EYS: variants seen among roughly 807,000 people sequenced by gnomAD.
EYS encodes the protein EGF-like photoreceptor maintenance factor.
EYS carries 250 observed loss-of-function variants against 282.1 expected under a neutral mutation model. The ratio of observed to expected loss-of-function variants is 0.89; its 90% CI spans 0.80 to 0.98. EYS has a LOEUF of 0.98. EYS is among the 50% of genes least tolerant of loss of function. The probability of loss-of-function intolerance (pLI) is 0.00; values close to 1 mark genes in which losing one functional copy is unlikely to be tolerated. For synonymous variants in EYS, 1,355 were observed against 1,282.9 expected (o/e 1.06, Z -1.20); for missense variants, 4,016 against 3,709.0 (o/e 1.08, Z -2.15).
rs987258143 is a variant in EYS, at chr6:64,591,490, T to C, written c.4377A>G (p.Pro1459=). 6.4e-7 allele frequency: 1 copy of C among 1,551,282 alleles called. No individual in the cohort carries two copies. Residue 1459 remains proline, a synonymous_variant, in exon 26 of 43, where the codon CCA becomes CCG. Coordinates refer to ENST00000503581, the MANE Select transcript of EYS (RefSeq NM_001142800.2). ...LLIAASISAT[P]VVSRGAQEDI... Reference sequence around the variant, plus strand: ...CCTCTTGAGCCCCCCTAGAGACAACTGGAGTTGCACTTATGGAGGCAGCTA... The same window carrying C: ...CCTCTTGAGCCCCCCTAGAGACAACCGGAGTTGCACTTATGGAGGCAGCTA...
chr6:63,756,196 G>A (rs1042831426), intron 41 of EYS, among the ~76,000 whole-genome samples: 2 of 152,168 alleles, frequency 1.3e-5, no homozygotes, highest in Non-Finnish European at 2.9e-5. Context: ...GAGCATCCTT[G>A]TCTTGTGCCG....
chr6:64,059,165 A>C (rs1050052591), intron 33 of EYS, among the ~76,000 whole-genome samples: 1 of 152,064 alleles, frequency 6.6e-6, no homozygotes, highest in African/African-American at 2.4e-5. Context: ...AATCTTCAAA[A>C]TGGAGTTCAT....
At chr6:64,224,801 T>C (rs1007280317) in intron 31 of EYS, among the ~76,000 whole-genome samples, 2 of 151,752 alleles carry the variant, frequency 1.3e-5, no homozygotes, top group African/African-American at 4.8e-5. Context: ...AGAAAAAAAA[T>C]GTGCACACAT....
intron 13 of EYS, among the ~76,000 whole-genome samples, chr6:65,050,187 G>T (rs956650559): frequency 6.6e-6 from 1 of 151,572 alleles, no homozygotes; most frequent in African/African-American, 2.4e-5. Context: ...ATGGTAGATA[G>T]AAATATTCAC....
intron 12 of EYS, among the ~76,000 whole-genome samples, chr6:65,178,572 T>A (rs985743212): frequency 6.6e-6 from 1 of 151,836 alleles, no homozygotes; most frequent in African/African-American, 2.4e-5. Context: ...AAGTCCTGAG[T>A]GACCTACAAA....
chr6:64,962,624 C>T (rs942129988), intron 14 of EYS, among the ~76,000 whole-genome samples: 1 of 151,838 alleles, frequency 6.6e-6, no homozygotes, highest in African/African-American at 2.4e-5. Context: ...CCTGTAGTCC[C>T]AGATACTCAT....
chr6:63,906,647 T>G (rs1288523668), intron 35 of EYS, among the ~76,000 whole-genome samples: 2 of 152,244 alleles, frequency 1.3e-5, no homozygotes, highest in Non-Finnish European at 2.9e-5. Flanking sequence ...TAGCATTATT[T>G]AAAATTTCAT....
chr6:63,962,475 A>T (rs1409690971), intron 35 of EYS, among the ~76,000 whole-genome samples: 3 of 152,248 alleles, frequency 2.0e-5, no homozygotes, highest in Admixed American at 6.5e-5. Context: ...TTCTCAAAAG[A>T]AGAAATTTAT....
chr6:64,491,682 G>C (rs558556429), intron 26 of EYS, among the ~76,000 whole-genome samples: 1 of 150,934 alleles, frequency 6.6e-6, no homozygotes, highest in African/African-American at 2.4e-5. Flanking sequence ...GAGGCACAGA[G>C]AGTGCTAAAA....
chr6:65,315,982 G>A (rs1387691695), intron 11 of EYS, among the ~76,000 whole-genome samples: 1 of 151,772 alleles, frequency 6.6e-6, no homozygotes, highest in Non-Finnish European at 1.5e-5. Context: ...ATCTCATTGA[G>A]GTTTTAATTT....
At chr6:65,705,545 G>T (rs771133299) in intron 1 of EYS, among the ~76,000 whole-genome samples, 1 of 152,098 alleles carries the variant, frequency 6.6e-6, no homozygotes, top group Non-Finnish European at 1.5e-5. Context: ...CTTGGTATTA[G>T]GTTTTAGTAA....
chr6:65,250,369 C>T (rs1257625195), intron 12 of EYS, among the ~76,000 whole-genome samples: 1 of 151,824 alleles, frequency 6.6e-6, no homozygotes, highest in East Asian at 1.9e-4. Flanking sequence ...TAAGTGTCTA[C>T]CCTTATTAGC....
intron 22 of EYS, among the ~76,000 whole-genome samples, chr6:64,756,177 T>C (rs1423538612): frequency 1.3e-5 from 2 of 152,230 alleles, no homozygotes. Context: ...TATGAAAATT[T>C]TGTTTCACAA....
chr6:64,317,539 G>A (rs1246133090), intron 29 of EYS, among the ~76,000 whole-genome samples: 1 of 152,112 alleles, frequency 6.6e-6, no homozygotes, highest in African/African-American at 2.4e-5. Context: ...ACAGATGCTG[G>A]AGAGGATGTG....
chr6:64,740,964 C>T (rs1285515426), intron 22 of EYS, among the ~76,000 whole-genome samples: 2 of 152,058 alleles, frequency 1.3e-5, no homozygotes, highest in East Asian at 1.9e-4. Context: ...CTGCCCATCT[C>T]GGCCTCCCAA....
intron 31 of EYS, among the ~76,000 whole-genome samples, chr6:64,124,841 G>A (rs1171909326): frequency 6.6e-6 from 1 of 151,872 alleles, no homozygotes; most frequent in Non-Finnish European, 1.5e-5. Flanking sequence ...GAAGAAGTGA[G>A]GACAGAGGAA....
chr6:64,157,055 C>A (rs1774950976), intron 31 of EYS, among the ~76,000 whole-genome samples: 1 of 130,480 alleles, frequency 7.7e-6, no homozygotes, highest in Non-Finnish European at 1.6e-5. Context: ...TCCCCCCACC[C>A]CACAGCAGTC....
chr6:65,085,695 A>G (rs1414601235), intron 12 of EYS, among the ~76,000 whole-genome samples: 1 of 152,178 alleles, frequency 6.6e-6, no homozygotes. Flanking sequence ...CAACTCAGAT[A>G]TCTTAACTCA....
chr6:64,391,461 G>A (rs1773137527), intron 28 of EYS, among the ~76,000 whole-genome samples: 1 of 151,792 alleles, frequency 6.6e-6, no homozygotes, highest in South Asian at 2.1e-4. Context: ...AGAGAGTGGG[G>A]GCCAATATTC....
Sources: allele counts gnomAD v4.1 joint callset (sites outside exome capture counted in the v4.1 genomes callset), GRCh38; gene constraint gnomAD v4.1.1; transcripts MANE v1.5; gene names NCBI Gene and HGNC (gene_info 2026-07-23, HGNC 2026-07-21).